The following SPOCD1 variants were observed in gnomAD, a reference collection of about 807,000 sequenced individuals.
SPOCD1 encodes SPOC domain-containing protein 1.
Under a neutral mutation model 92.2 loss-of-function variants are expected in SPOCD1, and 64 were observed. That is an observed-to-expected ratio of 0.69 (90% CI 0.57 to 0.86). The LOEUF (loss-of-function observed/expected upper bound fraction) is 0.86. SPOCD1 is among the 40% of genes least tolerant of loss of function. SPOCD1 has a pLI of 0.00. For synonymous variants in SPOCD1, 578 were observed against 619.3 expected, an observed-to-expected ratio of 0.93 and a Z score of 0.99; for missense variants, 1,360 against 1,543.1, an observed-to-expected ratio of 0.88 and a Z score of 1.99.
At chr1:31,795,426 A>T (rs1419700850) in intron 10 of SPOCD1, 1 of 152,244 alleles carries the variant, frequency 6.6e-6, no homozygotes, top group Non-Finnish European at 1.5e-5. Flanking sequence ...GTGAGATGTG[A>T]ATGAGACACT....
intron 9 of SPOCD1, among the ~76,000 whole-genome samples, chr1:31,797,938 C>T (rs1304770595): frequency 6.6e-6 from 1 of 152,186 alleles, no homozygotes; most frequent in Non-Finnish European, 1.5e-5. Flanking sequence ...CCAAGCCCCC[C>T]ACCCCACAGT....
chr1:31,800,347 T>C (rs937323173), intron 4 of SPOCD1, 94 bp downstream of exon 4: 11 of 1,441,078 alleles, frequency 7.6e-6, no homozygotes, highest in Non-Finnish European at 1.0e-5. Flanking sequence ...CGCGAGCAAG[T>C]GGCACCCTCT....
intron 14 of SPOCD1, 47 bp downstream of exon 14, chr1:31,792,631 G>A: frequency 2.1e-6 from 3 of 1,449,624 alleles, no homozygotes; most frequent in Admixed American, 2.1e-5. Flanking sequence ...AGGGAGGTGG[G>A]AGTAAGGTAC....
intron 2 of SPOCD1, among the ~76,000 whole-genome samples, chr1:31,808,654 C>T (rs547614515): frequency 6.6e-6 from 1 of 152,166 alleles, no homozygotes; most frequent in East Asian, 1.9e-4. Flanking sequence ...TCCTTGCTAT[C>T]ACCATTTCTA....
intron 2 of SPOCD1, 22 bp from the exon 3 acceptor site, chr1:31,801,727 G>A (rs776948635): frequency 6.2e-7 from 1 of 1,611,058 alleles, no homozygotes; most frequent in East Asian, 2.2e-5. Flanking sequence ...AGAGGATGCA[G>A]AGATTAGAAT....
At chr1:31,796,481 G>A (rs745591376) in intron 10 of SPOCD1, 109 bp downstream of exon 10, 89 of 1,537,320 alleles carry the variant, frequency 5.8e-5, no homozygotes, top group Non-Finnish European at 7.7e-5. Flanking sequence ...AAACAAGGTG[G>A]GCCTCAGAGC....
chr1:31,811,013 G>T (rs1485340671), intron 2 of SPOCD1, among the ~76,000 whole-genome samples: 1 of 152,282 alleles, frequency 6.6e-6, no homozygotes, highest in South Asian at 2.1e-4. Flanking sequence ...ATGGCATCCA[G>T]TCCCCCTCCC....
At chr1:31,797,095 C>A (rs1182906134) in intron 9 of SPOCD1, among the ~76,000 whole-genome samples, 2 of 152,196 alleles carry the variant, frequency 1.3e-5, no homozygotes, top group Non-Finnish European at 1.5e-5. Context: ...GGGGCAAGCA[C>A]TTAGCTGCTC....
In SPOCD1 at chr1:31,806,112, A is replaced by C. The variant is rs556793511; in HGVS notation, c.1384-4407T>G. On this transcript the variant is annotated intron_variant, in intron 2 of 15. Transcript: ENST00000360482. The stretch of plus-strand genomic sequence containing the variant: ...TAATAGCATAAGCTCAAAAACTATA[A>C]AGCAAAAAAAAAACTACAAGCAAAA... 2.6e-5 allele frequency among the ~76,000 whole-genome samples: 4 copies of C among 152,100 alleles called. No homozygotes were observed. The East Asian group carries it at 5.8e-4, about 22-fold the overall frequency.
At position 31,791,030 on chromosome 1, in the gene SPOCD1, C is replaced by G; in HGVS notation, c.3224G>C (p.Arg1075Thr). The G allele has an allele frequency of 1.9e-6, 3 of 1,611,744 alleles. No homozygotes were observed. The highest frequency in any genetic ancestry group is 2.5e-6 in the Non-Finnish European group (3 of 1,179,268). The part of the protein sequence containing the change: ...PGGAWQQSQG[R>T]GSIAPRGISA... Reference sequence around the variant, plus strand: ...GATTCCCCTTGGAGCTATACTGCCCCTGCCCTGGCTCTGCTGCCAGGCACC... The same window carrying G: ...GATTCCCCTTGGAGCTATACTGCCCGTGCCCTGGCTCTGCTGCCAGGCACC... The change falls in exon 16 of 16, where the codon AGG (arginine) becomes ACG (threonine). Residue 1075 changes from arginine (R) to threonine (T), a missense_variant. Arg to Thr is a moderately conservative substitution (Grantham distance 71). Around this residue, in one of 3 missense-constraint regions of SPOCD1, gnomAD observed 614 missense variants for 757.8 expected, o/e 0.81. Transcript: ENST00000360482.
At position 31,798,585 on chromosome 1, in the gene SPOCD1, C is replaced by G. The variant is rs1184837224; in HGVS notation, c.1885G>C (p.Asp629His). ...ACCACCTCCTCACTCAGCACTGGGT[C>G]TGGGAGCTCCCGAAGGCTGTGGAGG... ...VLWTRLRELP[D>H]PVLSEEVVEG... is the part of the protein sequence containing the mutation. The change falls in exon 8 of 16, where the codon GAC (aspartate) becomes CAC (histidine). Residue 629 changes from aspartate to histidine, a missense_variant. Around this residue, in one of 3 missense-constraint regions of SPOCD1, gnomAD observed 606 missense variants for 601.5 expected, o/e 1.01. Coordinates refer to ENST00000360482, the MANE Select transcript of SPOCD1 (RefSeq NM_144569.7). The surrounding 1 kb of genome is among the most constrained non-coding windows in gnomAD (Gnocchi z 4.1). The G allele has an allele frequency of 1.9e-6, 3 of 1,613,110 alleles. No individual in the cohort carries two copies. Among genetic ancestry groups the G allele is most frequent in the Admixed American group, 3.3e-5 (2 of 59,956 alleles).
chr1:31,794,415 AG>A, intron 10 of SPOCD1, 180 bp from the exon 11 acceptor site: 1 of 491,494 alleles, frequency 2.0e-6, no homozygotes, highest in Non-Finnish European at 3.6e-6. Context: ...AAAATTAAAA[AG>A]AAAATCACTT....
intron 2 of SPOCD1, among the ~76,000 whole-genome samples, chr1:31,803,646 C>T (rs1648610072): frequency 6.6e-6 from 1 of 151,534 alleles, no homozygotes; most frequent in South Asian, 2.1e-4. Flanking sequence ...GAGGCTGAGG[C>T]GGCAGAATTG....
Position 31,790,521 on chromosome 1 carries a change from TC to T in SPOCD1, c.*81del, listed in dbSNP as rs1647505601. The T allele has an allele frequency of 7.8e-7, 1 of 1,288,248 alleles. No individual in the cohort carries two copies. The highest frequency in any genetic ancestry group is 1.1e-6 in the Non-Finnish European group (1 of 932,440). The allele number at this position is 1,288,248 out of a possible 1,614,324, so 79.8% of individuals were successfully genotyped here. On this transcript the variant is annotated 3_prime_UTR_variant, in exon 16 of 16. Coordinates refer to ENST00000360482, the MANE Select transcript of SPOCD1 (RefSeq NM_144569.7). ...CAGGTGGGTAGGGCTGACCATCCTC[TC>T]CTTGCAGTCCCACCTCTCTCTGGAA... is the stretch of plus-strand genomic sequence containing the variant.
rs553603564 is a variant in SPOCD1, at chr1:31,811,750, A to T, written c.1383+2201T>A. On this transcript the variant is annotated intron_variant, in intron 2 of 15. Transcript: ENST00000360482. Reference sequence around the variant, plus strand: ...CCCGCCTGTCCCTGTCACAGCCCAGACTCAATTCTTCTCCCGCAGCTGGTA... The same window carrying T: ...CCCGCCTGTCCCTGTCACAGCCCAGTCTCAATTCTTCTCCCGCAGCTGGTA... Among the ~76,000 whole-genome samples, 313 of 152,248 alleles carry T rather than the reference A, an allele frequency of 2.1e-3. 2 individuals carry two copies. The highest frequency in any genetic ancestry group is 2.9e-3 in the Admixed American group (45 of 15,288).
intron 15 of SPOCD1, 104 bp downstream of exon 15, chr1:31,792,111 C>G: frequency 7.6e-7 from 1 of 1,312,998 alleles, no homozygotes; most frequent in South Asian, 1.5e-5. Flanking sequence ...TGAGGAGTTC[C>G]CTTCTGAGAT....
intron 15 of SPOCD1, 200 bp downstream of exon 15, chr1:31,792,015 A>C (rs1570143984): frequency 1.6e-6 from 1 of 620,770 alleles, no homozygotes. Flanking sequence ...ATCTAGGTAA[A>C]GCTTTTAGAA....
chr1:31,811,151 C>G (rs1365524427), intron 2 of SPOCD1, among the ~76,000 whole-genome samples: 2 of 152,196 alleles, frequency 1.3e-5, no homozygotes, highest in African/African-American at 4.8e-5. Flanking sequence ...AACTCAGATT[C>G]AGAGAAGAGA....
At chr1:31,806,742 A>G (rs1391947157) in intron 2 of SPOCD1, among the ~76,000 whole-genome samples, 1 of 152,084 alleles carries the variant, frequency 6.6e-6, no homozygotes. Flanking sequence ...TTCAGTAGAT[A>G]CAGGGTTTCA....
Sources: allele counts gnomAD v4.1 joint callset (sites outside exome capture counted in the v4.1 genomes callset), GRCh38; gene constraint gnomAD v4.1.1; regional missense constraint gnomAD v4.1.1; non-coding constraint Gnocchi (gnomAD v3.1); transcripts MANE v1.5; gene names NCBI Gene and HGNC (gene_info 2026-07-23, HGNC 2026-07-21).